PTPRM: variants seen among roughly 807,000 people sequenced by gnomAD.
PTPRM encodes the protein protein tyrosine phosphatase receptor type M, also known as receptor-type tyrosine-protein phosphatase mu.
In PTPRM, 47 loss-of-function variants were observed where a neutral mutation model predicts 186.7. The observed-to-expected ratio is 0.25, with a 90% confidence interval of 0.20 to 0.32. PTPRM has a LOEUF of 0.32. PTPRM is among the 10% of genes least tolerant of loss of function. The probability of loss-of-function intolerance (pLI) is 1.00; values close to 1 mark genes in which losing one functional copy is unlikely to be tolerated. For synonymous variants in PTPRM, 668 were observed against 674.9 expected (o/e 0.99, Z 0.16); for missense variants, 1,494 against 1,865.0 (o/e 0.80, Z 3.66).
intron 7 of PTPRM, among the ~76,000 whole-genome samples, chr18:8,009,550 A>T (rs972345086): frequency 6.6e-6 from 1 of 152,122 alleles, no homozygotes; most frequent in Non-Finnish European, 1.5e-5. Context: ...TCTACTAAAA[A>T]TACAAAAATT....
chr18:7,876,659 C>T (rs1349460828), intron 2 of PTPRM, among the ~76,000 whole-genome samples: 16 of 152,156 alleles, frequency 1.1e-4, no homozygotes, highest in Non-Finnish European at 2.4e-4. Flanking sequence ...CTGGACCTGC[C>T]CCCGTGGTAG....
At chr18:8,091,717 A>G (rs1200574603) in intron 11 of PTPRM, among the ~76,000 whole-genome samples, 2 of 151,828 alleles carry the variant, frequency 1.3e-5, no homozygotes, top group African/African-American at 4.9e-5. Context: ...TAGGTTGGGG[A>G]AAAAAATGTG....
At chr18:7,806,135 A>G (rs1229964800) in intron 2 of PTPRM, among the ~76,000 whole-genome samples, 1 of 152,174 alleles carries the variant, frequency 6.6e-6, no homozygotes, top group African/African-American at 2.4e-5. Flanking sequence ...CTGAACCCAC[A>G]GTGGAAACTG....
chr18:7,652,976 CAAAT>C (rs979154384), intron 1 of PTPRM, among the ~76,000 whole-genome samples: 3 of 151,502 alleles, frequency 2.0e-5, no homozygotes, highest in Admixed American at 6.6e-5. Flanking sequence ...AATAAGAAAA[CAAAT>C]AACCCAGTTA....
intron 1 of PTPRM, among the ~76,000 whole-genome samples, chr18:7,689,566 T>C (rs1478704356): frequency 1.3e-5 from 2 of 152,238 alleles, no homozygotes; most frequent in African/African-American, 4.8e-5. Context: ...GCTCATTTTT[T>C]AATCAACTTG....
chr18:8,347,285 G>C (rs1417457950), intron 23 of PTPRM, among the ~76,000 whole-genome samples: 1 of 152,140 alleles, frequency 6.6e-6, no homozygotes, highest in Non-Finnish European at 1.5e-5. Flanking sequence ...AAAAATAAAG[G>C]CACATGTATT....
At chr18:7,755,557 T>C (rs1453885564) in intron 1 of PTPRM, among the ~76,000 whole-genome samples, 2 of 152,210 alleles carry the variant, frequency 1.3e-5, no homozygotes, top group East Asian at 1.9e-4. Context: ...GATATGAGGA[T>C]AGGTATAAGA....
intron 7 of PTPRM, among the ~76,000 whole-genome samples, chr18:7,964,160 T>C (rs1004703504): frequency 3.9e-5 from 6 of 152,256 alleles, no homozygotes; most frequent in African/African-American, 1.4e-4. Flanking sequence ...GCATTTATAC[T>C]ACACTGGGGT....
At chr18:8,208,494 T>C (rs1357337231) in intron 14 of PTPRM, among the ~76,000 whole-genome samples, 2 of 150,830 alleles carry the variant, frequency 1.3e-5, no homozygotes, top group Admixed American at 6.6e-5. Context: ...GTGAGACTTG[T>C]AAGTAGAGTG....
intron 7 of PTPRM, among the ~76,000 whole-genome samples, chr18:8,009,730 T>TA (rs1042296091): frequency 6.6e-6 from 1 of 151,960 alleles, no homozygotes; most frequent in Non-Finnish European, 1.5e-5. Flanking sequence ...AAATAAAAAA[T>TA]AAAAAAATCA....
chr18:8,040,407 C>T (rs556129817), intron 7 of PTPRM, among the ~76,000 whole-genome samples: 2 of 151,976 alleles, frequency 1.3e-5, no homozygotes, highest in Admixed American at 1.3e-4. Flanking sequence ...GGTATGGGTG[C>T]AATTATTAAA....
At chr18:8,396,100 A>G (rs1221781168) in intron 32 of PTPRM, among the ~76,000 whole-genome samples, 1 of 152,196 alleles carries the variant, frequency 6.6e-6, no homozygotes, top group African/African-American at 2.4e-5. Context: ...GTGGGGCTTC[A>G]CTAGGACCGT....
chr18:7,628,017 A>G lies in PTPRM; in HGVS notation c.73+60126A>G, dbSNP rs143694708. Among the ~76,000 whole-genome samples the G allele has an allele frequency of 4.9e-4, 75 of 152,292 alleles. 1 individual carries two copies. The highest frequency in any genetic ancestry group is 1.8e-3 in the African/African-American group (74 of 41,572). ...CTAAAATAATTTGAAGAATTTTTAGATGGCCACATGACAAAGATACCATTT... is the reference window on the plus strand; with the variant it reads ...CTAAAATAATTTGAAGAATTTTTAGGTGGCCACATGACAAAGATACCATTT... On this transcript the variant is annotated intron_variant, in intron 1 of 32. Transcript: ENST00000580170.
chr18:7,870,618 C>T (rs1170612904), intron 2 of PTPRM, among the ~76,000 whole-genome samples: 1 of 152,120 alleles, frequency 6.6e-6, no homozygotes, highest in African/African-American at 2.4e-5. Context: ...ACCCCATCCC[C>T]TCCTCTCTTC....
chr18:7,658,777 G>C (rs2038913681), intron 1 of PTPRM, among the ~76,000 whole-genome samples: 2 of 152,180 alleles, frequency 1.3e-5, no homozygotes, highest in Non-Finnish European at 2.9e-5. Flanking sequence ...CTAGTAAATA[G>C]ACTGAATGGT....
chr18:8,174,575 G>C (rs1346456367), intron 14 of PTPRM, among the ~76,000 whole-genome samples: 1 of 152,162 alleles, frequency 6.6e-6, no homozygotes. Flanking sequence ...GAGGATTATT[G>C]AGCTCAGAAA....
chr18:7,783,605 T>C (rs972886325), intron 2 of PTPRM, among the ~76,000 whole-genome samples: 15 of 152,166 alleles, frequency 9.9e-5, no homozygotes, highest in Non-Finnish European at 1.0e-4. Flanking sequence ...GGGGTCTTGC[T>C]TTGTTGCCTG....
chr18:8,124,428 T>G (rs2092274810), intron 13 of PTPRM, among the ~76,000 whole-genome samples: 1 of 152,186 alleles, frequency 6.6e-6, no homozygotes, highest in Non-Finnish European at 1.5e-5. Flanking sequence ...ACTTAATTCA[T>G]TCAGTCATTT....
intron 7 of PTPRM, among the ~76,000 whole-genome samples, chr18:7,987,749 A>G (rs2147575786): frequency 6.6e-6 from 1 of 152,340 alleles, no homozygotes; most frequent in East Asian, 1.9e-4. Context: ...AACCTACTAA[A>G]GATTAAAACC....
Sources: allele counts gnomAD v4.1 joint callset (sites outside exome capture counted in the v4.1 genomes callset), GRCh38; gene constraint gnomAD v4.1.1; transcripts MANE v1.5; gene names NCBI Gene and HGNC (gene_info 2026-07-23, HGNC 2026-07-21).